NUTM2G: variants seen among roughly 807,000 people sequenced by gnomAD.
NUTM2G encodes the protein NUT family member 2G, also known as family with sequence similarity 22, member G.
Under a neutral mutation model 44.3 loss-of-function variants are expected in NUTM2G, and 29 were observed. The observed-to-expected ratio is 0.66, with a 90% CI of 0.49 to 0.89. The LOEUF is 0.89. NUTM2G is among the 40% of genes least tolerant of loss of function. The probability of loss-of-function intolerance (pLI) is 0.00; values close to 1 mark genes in which losing one functional copy is unlikely to be tolerated. For missense variants in NUTM2G, 502 were observed against 946.5 expected (o/e 0.53, Z 6.16); for synonymous variants, 205 against 395.9 (o/e 0.52, Z 5.72).
chr9:96,940,650 C>A (rs1442258492), downstream of NUTM2G, among the ~76,000 whole-genome samples: 2 of 152,122 alleles, frequency 1.3e-5, no homozygotes, highest in African/African-American at 4.8e-5. Flanking sequence ...GGTCCCAGCA[C>A]TGCCTGCATG....
rs367721264 is a variant in NUTM2G, at chr9:96,935,415, G to A, written c.801G>A (p.Thr267=). ...GGGCCATGCGGGAATGGCAGCACAC[G>A]AGCAACTTTGACCGGATGATTTTCT... ...LWRAMREWQH[T]SNFDRMIFYE... The change falls in exon 3 of 7, where the codon ACG becomes ACA. Residue 267 remains threonine, a synonymous_variant. Transcript: ENST00000372322. 5.1e-5 allele frequency: 83 copies of A among 1,612,064 alleles called. No individual in the cohort carries two copies. The African/African-American group carries it at 6.5e-4, about 13-fold the overall frequency.
At chr9:96,934,316 C>T (rs939674169) in intron 2 of NUTM2G, among the ~76,000 whole-genome samples, 4 of 152,230 alleles carry the variant, frequency 2.6e-5, no homozygotes, top group African/African-American at 7.2e-5. Context: ...ACACACTGGC[C>T]GTTCCCCTAG....
At chr9:96,930,872 GTTTTTTTTTTTTTTTTTTTTT>G (rs1168888338) in intron 1 of NUTM2G, among the ~76,000 whole-genome samples, 1,658 of 72,598 alleles carry the variant, frequency 0.023, 67 homozygotes, top group African/African-American at 0.085. Flanking sequence ...CCATCCAGTG[GTTTTTTTTTTTTTTTTTTTTT>G]TTTTTTTTTT....
At position 96,933,810 on chromosome 9, in the gene NUTM2G, G is replaced by A. The variant is rs74418407; in HGVS notation, c.713+1392G>A. The A allele has an allele frequency of 9.3e-3, 1,413 of 152,618 alleles. 51 individuals carry two copies. The East Asian group carries it at 0.1, about 11-fold the overall frequency. 9.5% of individuals were successfully genotyped at this position (152,618 alleles called of 1,614,324 possible). On this transcript the variant is annotated intron_variant, in intron 2 of 6. Transcript: ENST00000372322. ...TGGCACACACCCACTCTTCTGCCGC[G>A]GTCCAGTTAGCACAGCGGTGGTGGA...
intron 4 of NUTM2G, 47 bp downstream of exon 4, chr9:96,936,611 G>C: frequency 1.3e-6 from 2 of 1,531,114 alleles, no homozygotes; most frequent in Admixed American, 2.0e-5. Flanking sequence ...AGGCCAAAGG[G>C]GCCAAGGGAG....
chr9:96,935,466 G>A lies in NUTM2G; in HGVS notation c.842+10G>A. ...ACGAGATGGCGGCAAAGTGAGTCTG[G>A]GGTCCTGGGGGCAGGGCCCGTGTGG... On this transcript the variant is annotated intron_variant, in intron 3 of 6. Transcript: ENST00000372322. 6.2e-7 allele frequency: 1 copy of A among 1,612,054 alleles called. No individual in the cohort carries two copies. The highest frequency in any genetic ancestry group is 8.5e-7 in the Non-Finnish European group (1 of 1,179,864).
chr9:96,931,689 C>T, intron 1 of NUTM2G, 33 bp from the exon 2 acceptor site: 1 of 1,609,928 alleles, frequency 6.2e-7, no homozygotes, highest in South Asian at 1.1e-5. Flanking sequence ...CTGGAGACGC[C>T]AGCTCATTCA....
chr9:96,933,853 G>A (rs1826349230), intron 2 of NUTM2G: 1 of 152,134 alleles, frequency 6.6e-6, no homozygotes, highest in Non-Finnish European at 1.5e-5. Context: ...CAGGGGGATG[G>A]TCTTGGGACC....
intron 2 of NUTM2G, 67 bp downstream of exon 2, chr9:96,932,485 G>A (rs1358362564): frequency 9.0e-7 from 1 of 1,117,078 alleles, no homozygotes; most frequent in African/African-American, 1.5e-5. Context: ...TGGATGGACA[G>A]GAGGTCACAC....
At chr9:96,934,397 A>G (rs1462708884) in intron 2 of NUTM2G, among the ~76,000 whole-genome samples, 1 of 151,518 alleles carries the variant, frequency 6.6e-6, no homozygotes, top group African/African-American at 2.4e-5. Flanking sequence ...CTGCCCCCAC[A>G]CCCTGGAACT....
rs1826460393 is a variant in NUTM2G at position 96,937,180 on chromosome 9, G to A, written c.1099G>A (p.Ala367Thr). 3 of 1,612,710 alleles carry A rather than the reference G, an allele frequency of 1.9e-6. No individual in the cohort carries two copies. The highest frequency in any genetic ancestry group is 2.5e-6 in the Non-Finnish European group (3 of 1,179,868). The change falls in exon 5 of 7, where the codon GCA becomes ACA. Residue 367 changes from alanine to threonine, a missense_variant. Coordinates refer to ENST00000372322, the MANE Select transcript of NUTM2G (RefSeq NM_001170741.3). ...GCCACCACCCAGGCCCCCGAGGCCA[G>A]CAGAGACCAAGGTCCCTGAGGAGAT... Reference protein sequence around the residue: ...HLPPPRPPRPAETKVPEEIPP... With the variant: ...HLPPPRPPRPTETKVPEEIPP...
intron 5 of NUTM2G, 133 bp from the exon 6 acceptor site, chr9:96,937,752 G>A: frequency 8.7e-7 from 1 of 1,147,880 alleles, no homozygotes; most frequent in Non-Finnish European, 1.3e-6. Flanking sequence ...GTAGCTGGTG[G>A]TCGCCATGAT....
intron 3 of NUTM2G, 100 bp from the exon 4 acceptor site, chr9:96,936,325 C>T (rs1056713840): frequency 5.4e-5 from 83 of 1,532,808 alleles, no homozygotes; most frequent in Middle Eastern, 2.3e-4. Context: ...GACAGCCCGC[C>T]GGAGGCACTC....
At chr9:96,936,154 G>A (rs1826423495) in intron 3 of NUTM2G, among the ~76,000 whole-genome samples, 1 of 149,380 alleles carries the variant, frequency 6.7e-6, no homozygotes, top group African/African-American at 2.5e-5. Flanking sequence ...ATACCTGGAG[G>A]AGGGGTTCCC....
intron 1 of NUTM2G, among the ~76,000 whole-genome samples, chr9:96,930,811 T>C (rs529914792): frequency 1.3e-5 from 2 of 150,200 alleles, no homozygotes; most frequent in African/African-American, 2.5e-5. Context: ...CTGGGCGTTA[T>C]GTGTTATGGG....
chr9:96,930,872 GTTTTTTTTTTTTTTTTTTTTTTTTT>G lies in NUTM2G; in HGVS notation c.17-834_17-810del, dbSNP rs1168888338. On this transcript the variant is annotated intron_variant, in intron 1 of 6. Transcript: ENST00000372322. Reference sequence around the variant, plus strand: ...GGCTTGGGCGAGTTTCCATCCAGTGGTTTTTTTTTTTTTTTTTTTTTTTTTTTTTTTTTTTTTTTTGAGACGGAGT... The same window carrying G: ...GGCTTGGGCGAGTTTCCATCCAGTGGTTTTTTTTTTTTTTTGAGACGGAGT... Among the ~76,000 whole-genome samples, 168 of 72,710 alleles carry G rather than the reference GTTTTTTTTTTTTTTTTTTTTTTTTT, an allele frequency of 2.3e-3. 7 individuals are homozygous for G. The highest frequency in any genetic ancestry group is 4.8e-3 in the East Asian group (10 of 2,098). The allele number at this position is 72,710 out of a possible 152,430, so 47.7% of individuals were successfully genotyped here.
intron 3 of NUTM2G, 58 bp downstream of exon 3, chr9:96,935,514 G>A: frequency 1.9e-6 from 3 of 1,611,446 alleles, no homozygotes; most frequent in East Asian, 2.2e-5. Context: ...GAATGACAGA[G>A]GCCCGGTGGC....
chr9:96,929,155 G>C (rs1419456614), intron 1 of NUTM2G, 115 bp downstream of exon 1: 25 of 1,563,024 alleles, frequency 1.6e-5, no homozygotes, highest in Non-Finnish European at 2.0e-5. Flanking sequence ...GGGAGCACTG[G>C]ATGTCCCCAA....
chr9:96,933,250 T>C (rs1826327779), intron 2 of NUTM2G, among the ~76,000 whole-genome samples: 3 of 151,938 alleles, frequency 2.0e-5, no homozygotes, highest in South Asian at 2.1e-4. Context: ...AGTGCTGCGA[T>C]TGCAGGCATG....
Sources: gnomAD v4.1 joint callset for allele counts (sites outside exome capture counted in the v4.1 genomes callset) on GRCh38, gnomAD v4.1.1 for gene constraint, MANE v1.5 for transcripts, NCBI Gene and HGNC (gene_info 2026-07-23, HGNC 2026-07-21) for gene names.